The following CDH12 variants were observed in gnomAD, a reference collection of about 807,000 sequenced individuals.
CDH12 encodes cadherin-12.
In CDH12, 41 loss-of-function variants were observed where a neutral mutation model predicts 74.1. The ratio of observed to expected loss-of-function variants is 0.55; its 90% CI spans 0.43 to 0.72. CDH12 has a LOEUF of 0.72. Ranked by LOEUF, CDH12 falls within the 30% of genes least tolerant of loss-of-function variation. The probability of loss-of-function intolerance (pLI) is 0.00; values close to 1 mark genes in which losing one functional copy is unlikely to be tolerated. For synonymous variants in CDH12, 399 were observed against 355.0 expected (o/e 1.12, Z -1.39); for missense variants, 945 against 977.2 (o/e 0.97, Z 0.44).
chr5:21,946,027 G>A (rs1755563699), intron 6 of CDH12, among the ~76,000 whole-genome samples: 2 of 151,582 alleles, frequency 1.3e-5, no homozygotes, highest in Non-Finnish European at 2.9e-5. Flanking sequence ...AGAGAAAAAT[G>A]GCACATTTCT....
chr5:21,769,558 G>A (rs779013108), intron 11 of CDH12, among the ~76,000 whole-genome samples: 1 of 152,100 alleles, frequency 6.6e-6, no homozygotes, highest in Non-Finnish European at 1.5e-5. Flanking sequence ...CAGCTTAATT[G>A]TCAGAAGAAC....
chr5:21,838,397 T>G (rs1044787000), intron 8 of CDH12, among the ~76,000 whole-genome samples: 29 of 152,098 alleles, frequency 1.9e-4, no homozygotes, highest in African/African-American at 7.0e-4. Flanking sequence ...CCGTCTCTAA[T>G]AAAAATTAAA....
chr5:22,023,842 A>G (rs1738163659), intron 5 of CDH12, among the ~76,000 whole-genome samples: 1 of 152,174 alleles, frequency 6.6e-6, no homozygotes, highest in Non-Finnish European at 1.5e-5. Context: ...TCTTCCTTGT[A>G]GTAACCCAAG....
At chr5:22,103,212 C>A (rs1265544800) in intron 4 of CDH12, among the ~76,000 whole-genome samples, 1 of 152,134 alleles carries the variant, frequency 6.6e-6, no homozygotes, top group Non-Finnish European at 1.5e-5. Context: ...GTAAATCTGA[C>A]AACCTTTCTA....
intron 1 of CDH12, among the ~76,000 whole-genome samples, chr5:22,666,225 TCA>T: frequency 6.6e-6 from 1 of 151,142 alleles, no homozygotes; most frequent in Non-Finnish European, 1.5e-5. Context: ...TAATCTATTC[TCA>T]CAGTCTGGCA....
chr5:21,907,614 G>C (rs890575970), intron 6 of CDH12, among the ~76,000 whole-genome samples: 3 of 152,102 alleles, frequency 2.0e-5, no homozygotes, highest in Non-Finnish European at 4.4e-5. Context: ...CTCTACCCCG[G>C]GAGCTAAGCA....
intron 2 of CDH12, among the ~76,000 whole-genome samples, chr5:22,468,793 A>G (rs192082417): frequency 1.2e-3 from 182 of 152,332 alleles, no homozygotes; most frequent in African/African-American, 4.3e-3. Context: ...AGAAAAAGAC[A>G]TAAATGTGGT....
intron 5 of CDH12, among the ~76,000 whole-genome samples, chr5:22,004,454 T>C: frequency 6.6e-6 from 1 of 152,190 alleles, no homozygotes; most frequent in Non-Finnish European, 1.5e-5. Flanking sequence ...ACACTCATTC[T>C]CACTGTTTCC....
intron 1 of CDH12, among the ~76,000 whole-genome samples, chr5:22,516,745 T>G (rs1437395982): frequency 2.0e-5 from 3 of 152,044 alleles, no homozygotes; most frequent in African/African-American, 7.2e-5. Context: ...CAGTGAGCCA[T>G]GATGGTGCCA....
chr5:22,736,830 C>G (rs1336678121), intron 1 of CDH12, among the ~76,000 whole-genome samples: 1 of 151,776 alleles, frequency 6.6e-6, no homozygotes, highest in Non-Finnish European at 1.5e-5. Flanking sequence ...TTTCAAAGCT[C>G]CATAGAGTTG....
At chr5:22,094,139 C>A (rs1381635677) in intron 4 of CDH12, among the ~76,000 whole-genome samples, 1 of 152,116 alleles carries the variant, frequency 6.6e-6, no homozygotes, top group Non-Finnish European at 1.5e-5. Context: ...CAAACCGTTA[C>A]ACAGATGAAT....
chr5:22,488,263 A>G (rs1054427545), intron 2 of CDH12, among the ~76,000 whole-genome samples: 1 of 152,236 alleles, frequency 6.6e-6, no homozygotes, highest in Admixed American at 6.5e-5. Flanking sequence ...TTAATCATTT[A>G]AACCATATAT....
chr5:22,298,676 A>G (rs1328475970), intron 3 of CDH12, among the ~76,000 whole-genome samples: 4 of 152,166 alleles, frequency 2.6e-5, no homozygotes, highest in Non-Finnish European at 4.4e-5. Context: ...AGTTGGTTAT[A>G]TTAGTGATGA....
intron 1 of CDH12, among the ~76,000 whole-genome samples, chr5:22,690,889 C>G (rs1012044933): frequency 2.0e-5 from 3 of 152,096 alleles, no homozygotes; most frequent in African/African-American, 7.2e-5. Context: ...TCAGGTCATG[C>G]ACCATCCTTT....
intron 5 of CDH12, among the ~76,000 whole-genome samples, chr5:22,076,709 T>C (rs1742339771): frequency 2.0e-5 from 3 of 152,182 alleles, no homozygotes; most frequent in Admixed American, 2.0e-4. Context: ...ATTTGAGGAA[T>C]TATATAAGCA....
At chr5:22,347,436 G>A (rs146187617) in intron 3 of CDH12, among the ~76,000 whole-genome samples, 11 of 152,232 alleles carry the variant, frequency 7.2e-5, no homozygotes, top group East Asian at 1.9e-4. Flanking sequence ...CTACACCAGC[G>A]GTTTGTCAGG....
intron 1 of CDH12, among the ~76,000 whole-genome samples, chr5:22,538,442 G>A (rs2126715456): frequency 6.6e-6 from 1 of 152,190 alleles, no homozygotes; most frequent in East Asian, 1.9e-4. Context: ...TCTTACAGCA[G>A]ATAATTCTTT....
At chr5:22,344,983 G>A (rs181521755) in intron 3 of CDH12, among the ~76,000 whole-genome samples, 1 of 152,226 alleles carries the variant, frequency 6.6e-6, no homozygotes, top group Non-Finnish European at 1.5e-5. Flanking sequence ...TTTTCCCAAG[G>A]TGAGCCATTT....
At chr5:22,535,849 C>A (rs1416368846) in intron 1 of CDH12, among the ~76,000 whole-genome samples, 2 of 152,204 alleles carry the variant, frequency 1.3e-5, no homozygotes, top group Admixed American at 6.5e-5. Context: ...ATGGGCTCTG[C>A]ATTCTTGGAT....
Sources: gnomAD v4.1 joint callset for allele counts (sites outside exome capture counted in the v4.1 genomes callset) on GRCh38, gnomAD v4.1.1 for gene constraint, MANE v1.5 for transcripts, NCBI Gene and HGNC (gene_info 2026-07-23, HGNC 2026-07-21) for gene names.